The following RAD51B variants were observed in gnomAD, a reference collection of about 807,000 sequenced individuals.
RAD51B encodes RAD51 paralog B, also known as DNA repair protein RAD51 homolog 2.
RAD51B carries 38 observed loss-of-function variants against 42.2 expected under a neutral mutation model. That is an observed-to-expected ratio of 0.90 (90% CI 0.70 to 1.18). The LOEUF (loss-of-function observed/expected upper bound fraction) is 1.18. Ranked by LOEUF, RAD51B falls within the 50% of genes most tolerant of loss-of-function variation. The probability of loss-of-function intolerance (pLI) is 0.00; values close to 1 mark genes in which losing one functional copy is unlikely to be tolerated. For missense variants in RAD51B, 373 were observed against 400.7 expected (o/e 0.93, Z 0.59); for synonymous variants, 154 against 145.2 (o/e 1.06, Z -0.43).
chr14:68,252,252 A>G (rs1321707338), intron 7 of RAD51B, among the ~76,000 whole-genome samples: 1 of 152,212 alleles, frequency 6.6e-6, no homozygotes, highest in African/African-American at 2.4e-5. Flanking sequence ...TGTCTTGGAA[A>G]TATTCTCTGT....
At chr14:68,389,132 T>A (rs1310474730) in intron 8 of RAD51B, among the ~76,000 whole-genome samples, 1 of 152,134 alleles carries the variant, frequency 6.6e-6, no homozygotes, top group East Asian at 1.9e-4. Flanking sequence ...TTAAATGAAG[T>A]ATAATATGTA....
chr14:68,605,386 T>G (rs10137147), intron 10 of RAD51B, among the ~76,000 whole-genome samples: 17,423 of 152,282 alleles, frequency 0.11, 1,151 homozygotes, highest in South Asian at 0.19. Flanking sequence ...ATGGTGAGAG[T>G]ACACTCGAAC....
At chr14:68,533,741 C>G (rs960533464) in intron 10 of RAD51B, among the ~76,000 whole-genome samples, 14 of 152,250 alleles carry the variant, frequency 9.2e-5, no homozygotes, top group African/African-American at 3.4e-4. Flanking sequence ...AAAAATGTAG[C>G]CTTTCTGAGC....
intron 8 of RAD51B, among the ~76,000 whole-genome samples, chr14:68,359,813 G>A (rs1348471095): frequency 6.6e-6 from 1 of 152,206 alleles, no homozygotes; most frequent in Non-Finnish European, 1.5e-5. Flanking sequence ...AGAACTGTCT[G>A]TCCTTTTTGT....
chr14:68,295,243 C>T (rs1277042901), intron 8 of RAD51B, among the ~76,000 whole-genome samples: 4 of 152,110 alleles, frequency 2.6e-5, no homozygotes, highest in Non-Finnish European at 4.4e-5. Flanking sequence ...GATAACTCAA[C>T]AGTGGAATGA....
chr14:68,188,042 T>A (rs2079191421), intron 7 of RAD51B, among the ~76,000 whole-genome samples: 1 of 152,182 alleles, frequency 6.6e-6, no homozygotes, highest in African/African-American at 2.4e-5. Context: ...CTTGAACTCC[T>A]GACCTCAAGT....
At chr14:68,570,608 G>T (rs975641926) in intron 10 of RAD51B, among the ~76,000 whole-genome samples, 1 of 152,294 alleles carries the variant, frequency 6.6e-6, no homozygotes, top group African/African-American at 2.4e-5. Context: ...GAGCCAGGAG[G>T]GGGGTCCAGT....
At chr14:68,636,573 A>C (rs1330025871) in intron 10 of RAD51B, among the ~76,000 whole-genome samples, 1 of 101,864 alleles carries the variant, frequency 9.8e-6, no homozygotes, top group Non-Finnish European at 2.0e-5. Context: ...ACAGAGTGAG[A>C]CTCAGTCTCA....
intron 7 of RAD51B, among the ~76,000 whole-genome samples, chr14:68,192,802 C>G (rs1030114460): frequency 1.3e-5 from 2 of 151,916 alleles, no homozygotes; most frequent in African/African-American, 4.8e-5. Flanking sequence ...TATGAGTTAC[C>G]CTTGTTAAAA....
chr14:68,083,231 C>G (rs916224756), intron 7 of RAD51B, among the ~76,000 whole-genome samples: 7 of 152,156 alleles, frequency 4.6e-5, no homozygotes, highest in African/African-American at 1.7e-4. Context: ...AGCAGTTTTA[C>G]TTTTTGATTT....
At chr14:68,336,930 T>C (rs1015485723) in intron 8 of RAD51B, among the ~76,000 whole-genome samples, 5 of 152,242 alleles carry the variant, frequency 3.3e-5, no homozygotes, top group Non-Finnish European at 5.9e-5. Flanking sequence ...TTCCTTTTTA[T>C]GGTTGTTTAA....
chr14:68,529,788 C>T (rs1278875596), intron 10 of RAD51B, among the ~76,000 whole-genome samples: 2 of 152,182 alleles, frequency 1.3e-5, no homozygotes, highest in East Asian at 1.9e-4. Flanking sequence ...GTTATCTAAT[C>T]TTGTCCAAAA....
At position 68,565,064 on chromosome 14, in the gene RAD51B, C is replaced by T. The variant is rs2140027965; in HGVS notation, c.1037-29421C>T. Among the ~76,000 whole-genome samples, 1 of 152,334 alleles carries T rather than the reference C, an allele frequency of 6.6e-6. No homozygotes were observed. Among genetic ancestry groups the T allele is most frequent in the South Asian group, 2.1e-4 (1 of 4,828 alleles). Reference sequence around the variant, plus strand: ...ACATTCTACATCCAGCGCATAAAAACACAATAGTGACAGGAAAAATACACA... The same window carrying T: ...ACATTCTACATCCAGCGCATAAAAATACAATAGTGACAGGAAAAATACACA... On this transcript the variant is annotated intron_variant, in intron 10 of 10. Coordinates refer to the RAD51B transcript ENST00000487270. This position sits in a 1 kb window ranked among gnomAD's most constrained non-coding sequence, Gnocchi z 4.1.
intron 10 of RAD51B, among the ~76,000 whole-genome samples, chr14:68,649,576 G>A (rs953391877): frequency 6.6e-6 from 1 of 152,164 alleles, no homozygotes; most frequent in African/African-American, 2.4e-5. Flanking sequence ...CTGAAATGAT[G>A]TATTTATCTT....
chr14:68,678,084 G>A (rs1334521287), intron 11 of RAD51B, among the ~76,000 whole-genome samples: 1 of 152,180 alleles, frequency 6.6e-6, no homozygotes, highest in Admixed American at 6.5e-5. Flanking sequence ...ACATTTTACA[G>A]ATAAGGAATA....
intron 10 of RAD51B, among the ~76,000 whole-genome samples, chr14:68,637,751 C>T (rs1318268426): frequency 1.3e-5 from 2 of 152,144 alleles, no homozygotes; most frequent in Non-Finnish European, 2.9e-5. Context: ...AGGGCTGTGG[C>T]GGCCGAGTTC....
intron 7 of RAD51B, among the ~76,000 whole-genome samples, chr14:68,067,465 G>GAAAA (rs35062985): frequency 1.0e-5 from 1 of 95,926 alleles, no homozygotes; most frequent in African/African-American, 3.6e-5. Flanking sequence ...CTCCATCTCG[G>GAAAA]AAAAAAAAAA....
chr14:68,146,991 TCATC>T (rs2078265311), intron 7 of RAD51B, among the ~76,000 whole-genome samples: 1 of 152,168 alleles, frequency 6.6e-6, no homozygotes, highest in Non-Finnish European at 1.5e-5. Flanking sequence ...TATTTTGGGT[TCATC>T]CAGATGGGAT....
intron 7 of RAD51B, among the ~76,000 whole-genome samples, chr14:68,199,100 C>A (rs2079431645): frequency 6.6e-6 from 1 of 152,098 alleles, no homozygotes; most frequent in Non-Finnish European, 1.5e-5. Flanking sequence ...TCTACTTATT[C>A]CTCGCATGAC....
Sources: allele counts gnomAD v4.1 joint callset (sites outside exome capture counted in the v4.1 genomes callset), GRCh38; gene constraint gnomAD v4.1.1; non-coding constraint Gnocchi (gnomAD v3.1); transcripts MANE v1.5; gene names NCBI Gene and HGNC (gene_info 2026-07-23, HGNC 2026-07-21).